Variants in UBR1 observed in about 807,000 individuals in gnomAD.
UBR1 encodes ubiquitin protein ligase E3 component n-recognin 1.
Under a neutral mutation model 242.1 loss-of-function variants are expected in UBR1, and 102 were observed. The observed-to-expected ratio is 0.42, with a 90% CI of 0.36 to 0.50. UBR1 has a LOEUF of 0.50. UBR1 is among the 20% of genes least tolerant of loss of function. The pLI, the probability that UBR1 is intolerant of heterozygous loss-of-function variation, is 0.01. For synonymous variants in UBR1, 675 were observed against 684.8 expected (o/e 0.99, Z 0.22); for missense variants, 1,772 against 2,101.8 (o/e 0.84, Z 3.07).
At chr15:43,009,425 C>T (rs2032884290) in intron 29 of UBR1, among the ~76,000 whole-genome samples, 1 of 152,254 alleles carries the variant, frequency 6.6e-6, no homozygotes, top group African/African-American at 2.4e-5. Context: ...CCCGCTTATG[C>T]ACCCCTGGTC....
chr15:43,000,799 A>G (rs2032711229), intron 32 of UBR1, among the ~76,000 whole-genome samples: 1 of 152,210 alleles, frequency 6.6e-6, no homozygotes, highest in Admixed American at 6.5e-5. Context: ...AGGTTTATCA[A>G]TGACATGGAA....
chr15:43,027,757 A>G lies in UBR1; in HGVS notation c.2432+19T>C, dbSNP rs761922089. The G allele has an allele frequency of 9.3e-6, 15 of 1,606,244 alleles. No individual in the cohort carries two copies. The highest frequency in any genetic ancestry group is 1.2e-5 in the Non-Finnish European group (14 of 1,173,612). ...GATCAAACTACCTTTTAGAATAAGC[A>G]TAAATATTAAGCACTTACTTAAATG... On this transcript the variant is annotated intron_variant, in intron 22 of 46. Transcript: ENST00000290650.
intron 1 of UBR1, among the ~76,000 whole-genome samples, chr15:43,104,995 T>G (rs576748172): frequency 6.6e-6 from 1 of 152,216 alleles, no homozygotes; most frequent in African/African-American, 2.4e-5. Context: ...ACCACTGCAC[T>G]TCAGCCTGGG....
At chr15:43,015,632 T>G in intron 29 of UBR1, 56 bp downstream of exon 29, 2 of 1,573,302 alleles carry the variant, frequency 1.3e-6, no homozygotes, top group Admixed American at 1.7e-5. Flanking sequence ...CACCCAAGAA[T>G]GATCAATTTA....
chr15:43,021,958 C>G (rs994506250), intron 26 of UBR1, among the ~76,000 whole-genome samples: 2 of 152,158 alleles, frequency 1.3e-5, no homozygotes, highest in Non-Finnish European at 2.9e-5. Flanking sequence ...ACATCTTTTA[C>G]TGGCACTGCT....
intron 43 of UBR1, among the ~76,000 whole-genome samples, chr15:42,958,976 G>T (rs929029388): frequency 2.0e-5 from 3 of 152,060 alleles, no homozygotes; most frequent in African/African-American, 4.8e-5. Context: ...GATTACAGGC[G>T]CCTGCCACCA....
chr15:43,040,401 A>G (rs1478100906), intron 15 of UBR1, among the ~76,000 whole-genome samples: 1 of 152,234 alleles, frequency 6.6e-6, no homozygotes, highest in Non-Finnish European at 1.5e-5. Context: ...AGCCATATGT[A>G]GAAAGTTGAA....
intron 39 of UBR1, among the ~76,000 whole-genome samples, chr15:42,975,523 G>A (rs542490949): frequency 5.9e-5 from 9 of 152,010 alleles, no homozygotes; most frequent in African/African-American, 2.2e-4. Flanking sequence ...GTAAAGCTTT[G>A]GGATAAATTC....
At chr15:43,031,018 T>TA (rs367805429) in intron 20 of UBR1, among the ~76,000 whole-genome samples, 2 of 152,150 alleles carry the variant, frequency 1.3e-5, no homozygotes, top group African/African-American at 4.8e-5. Context: ...ATCACGTAGG[T>TA]TACCTCCACA....
intron 1 of UBR1, among the ~76,000 whole-genome samples, chr15:43,094,492 T>G (rs2034137438): frequency 6.6e-6 from 1 of 151,758 alleles, no homozygotes; most frequent in Admixed American, 6.6e-5. Flanking sequence ...TTTTTTTCTT[T>G]TTAAATTTTT....
chr15:42,952,193 A>C, intron 45 of UBR1, 85 bp downstream of exon 45: 1 of 1,535,320 alleles, frequency 6.5e-7, no homozygotes, highest in East Asian at 2.2e-5. Context: ...TTTGCTATCA[A>C]CACACTGTCC....
At position 42,944,237 on chromosome 15, in the gene UBR1, TCAGGAGAGC is replaced by T; in HGVS notation, c.*1083_*1091del. ...GGAACCAAGAAGTCTATGCACAAAT[TCAGGAGAGC>T]TCTATTATTTATAAACAAGATGGCT... On this transcript the variant is annotated 3_prime_UTR_variant, in exon 47 of 47. Coordinates refer to ENST00000290650, the MANE Select transcript of UBR1 (RefSeq NM_174916.3). The T allele has an allele frequency of 6.6e-6, 1 of 152,610 alleles. No individual in the cohort carries two copies. Among genetic ancestry groups the T allele is most frequent in the Non-Finnish European group, 1.5e-5 (1 of 68,030 alleles). The allele number at this position is 152,610 out of a possible 1,614,324, so 9.5% of individuals were successfully genotyped here.
intron 39 of UBR1, among the ~76,000 whole-genome samples, 174 bp from the exon 40 acceptor site, chr15:42,970,781 G>T (rs769338860): frequency 2.6e-5 from 4 of 151,604 alleles, no homozygotes; most frequent in Non-Finnish European, 5.9e-5. Flanking sequence ...GGAGAGCAAT[G>T]GTGCGATCTT....
At chr15:43,003,569 T>C (rs2032759482) in intron 31 of UBR1, among the ~76,000 whole-genome samples, 1 of 152,194 alleles carries the variant, frequency 6.6e-6, no homozygotes. Context: ...TATTACTTTT[T>C]TTACATGAAT....
Position 43,070,923 on chromosome 15 carries a change from A to T in UBR1, c.531T>A (p.Asn177Lys). The change falls in exon 5 of 47, where the codon AAT (asparagine) becomes AAA (lysine). Residue 177 changes from asparagine to lysine, a missense_variant and splice_region_variant. Asn to Lys is a moderately conservative substitution (Grantham distance 94). Around this residue, in one of 3 missense-constraint regions of UBR1, gnomAD observed 734 missense variants for 893.3 expected, o/e 0.82. Coordinates refer to ENST00000290650, the MANE Select transcript of UBR1 (RefSeq NM_174916.3). ...EPGRAGTIKE[N>K]SRCPLNEEVI... ...CCTCTTCATTCAACGGACAGCGTGA[A>T]TTCTATAAAAAAGCCGAGAAAAACA... 6.2e-7 allele frequency: 1 copy of T among 1,613,098 alleles called. No individual in the cohort carries two copies. The highest frequency in any genetic ancestry group is 8.5e-7 in the Non-Finnish European group (1 of 1,179,960).
chr15:43,029,166 T>C (rs1473231837), intron 21 of UBR1, among the ~76,000 whole-genome samples: 1 of 151,206 alleles, frequency 6.6e-6, no homozygotes. Flanking sequence ...TTGGAAAGCC[T>C]TGACAGCACA....
intron 15 of UBR1, among the ~76,000 whole-genome samples, chr15:43,040,977 AC>A (rs1453820804): frequency 6.6e-6 from 1 of 152,172 alleles, no homozygotes; most frequent in African/African-American, 2.4e-5. Flanking sequence ...AAATAGGAAC[AC>A]TTTTACACTG....
At chr15:43,005,028 C>T (rs977663011) in intron 30 of UBR1, among the ~76,000 whole-genome samples, 7 of 151,368 alleles carry the variant, frequency 4.6e-5, no homozygotes, top group Non-Finnish European at 8.9e-5. Context: ...TGCCCAGCCG[C>T]GACCCCGTCT....
intron 1 of UBR1, among the ~76,000 whole-genome samples, chr15:43,097,470 G>GAC (rs1411051969): frequency 2.0e-5 from 3 of 152,202 alleles, no homozygotes; most frequent in Non-Finnish European, 4.4e-5. Flanking sequence ...GCCAGGCATT[G>GAC]ACTTCTCTCT....
Sources: gnomAD v4.1 joint callset for allele counts (sites outside exome capture counted in the v4.1 genomes callset) on GRCh38, gnomAD v4.1.1 for gene constraint, gnomAD v4.1.1 regional missense constraint, MANE v1.5 for transcripts, NCBI Gene and HGNC (gene_info 2026-07-23, HGNC 2026-07-21) for gene names.